PRTG: variants seen among roughly 807,000 people sequenced by gnomAD.
PRTG encodes the protein protogenin.
Under a neutral mutation model 122.5 loss-of-function variants are expected in PRTG, and 67 were observed. The ratio of observed to expected loss-of-function variants is 0.55; its 90% CI spans 0.45 to 0.67. PRTG has a LOEUF of 0.67. Ranked by LOEUF, PRTG falls within the 30% of genes least tolerant of loss-of-function variation. The pLI, the probability that PRTG is intolerant of heterozygous loss-of-function variation, is 0.00. For synonymous variants in PRTG, 554 were observed against 501.1 expected (o/e 1.11, Z -1.41); for missense variants, 1,435 against 1,415.4 (o/e 1.01, Z -0.22).
chr15:55,673,333 A>C, intron 10 of PRTG, 38 bp downstream of exon 10: 1 of 1,452,610 alleles, frequency 6.9e-7, no homozygotes, highest in South Asian at 1.3e-5. Flanking sequence ...TTCAAAAGTA[A>C]AAATACTGTA....
At chr15:55,726,625 G>C (rs1394677695) in intron 2 of PRTG, among the ~76,000 whole-genome samples, 2 of 138,360 alleles carry the variant, frequency 1.4e-5, no homozygotes, top group Non-Finnish European at 3.1e-5. Context: ...GTGTTAACAA[G>C]AGCGAATCTT....
At chr15:55,685,526 T>C (rs1377874462) in intron 2 of PRTG, among the ~76,000 whole-genome samples, 1 of 152,184 alleles carries the variant, frequency 6.6e-6, no homozygotes, top group East Asian at 1.9e-4. Context: ...TAATGCATGG[T>C]ATTACAACAG....
At chr15:55,621,991 A>G (rs1177348267) in intron 18 of PRTG, among the ~76,000 whole-genome samples, 1 of 152,160 alleles carries the variant, frequency 6.6e-6, no homozygotes, top group Non-Finnish European at 1.5e-5. Context: ...GATCAACAAA[A>G]TGACATTAGA....
At chr15:55,710,027 GA>G (rs1432170908) in intron 2 of PRTG, among the ~76,000 whole-genome samples, 2 of 151,088 alleles carry the variant, frequency 1.3e-5, no homozygotes, top group South Asian at 2.1e-4. Context: ...TTTTAAATCT[GA>G]AAAAAAACCC....
intron 2 of PRTG, among the ~76,000 whole-genome samples, chr15:55,716,310 C>T (rs1328608000): frequency 5.9e-5 from 9 of 152,168 alleles, no homozygotes; most frequent in African/African-American, 2.2e-4. Flanking sequence ...ATATCAATCA[C>T]AATAATTTCA....
intron 10 of PRTG, among the ~76,000 whole-genome samples, chr15:55,672,907 A>G (rs1238624379): frequency 2.0e-5 from 3 of 152,142 alleles, no homozygotes; most frequent in Non-Finnish European, 4.4e-5. Context: ...ATACTTTCTA[A>G]TTTTGGCCAC....
At position 55,716,010 on chromosome 15, in the gene PRTG, T is replaced by C. The variant is rs1462219337; in HGVS notation, c.397+24372A>G. On this transcript the variant is annotated intron_variant, in intron 2 of 19. Transcript: ENST00000389286. ...TACAGATACCATCCAAAAACTATCA[T>C]ATAGACACAGTATAGTATTCTCCTT... Among the ~76,000 whole-genome samples, 5 of 152,232 alleles carry C rather than the reference T, an allele frequency of 3.3e-5. 1 individual carries two copies. In the South Asian group the frequency reaches 6.2e-4, roughly 19 times the overall value.
At chr15:55,627,541 C>T (rs530338672) in intron 16 of PRTG, among the ~76,000 whole-genome samples, 397 of 148,392 alleles carry the variant, frequency 2.7e-3, no homozygotes, top group Middle Eastern at 6.9e-3. Context: ...GGGGTTTCAC[C>T]GTGTTAGCCA....
chr15:55,675,393 G>A (rs2059496778), intron 9 of PRTG, 126 bp downstream of exon 9: 11 of 594,338 alleles, frequency 1.9e-5, no homozygotes, highest in Non-Finnish European at 2.7e-5. Flanking sequence ...GATTTTGAAC[G>A]GCAAATTTAA....
At chr15:55,648,755 T>C (rs1039747068) in intron 11 of PRTG, among the ~76,000 whole-genome samples, 6 of 152,196 alleles carry the variant, frequency 3.9e-5, no homozygotes, top group African/African-American at 1.2e-4. Flanking sequence ...AGAAGGGCTA[T>C]CTTGGATAAG....
intron 2 of PRTG, among the ~76,000 whole-genome samples, chr15:55,722,335 A>G (rs1447305001): frequency 1.3e-5 from 2 of 152,160 alleles, no homozygotes; most frequent in Non-Finnish European, 2.9e-5. Context: ...GTCAGGTACT[A>G]TATTTTATTA....
intron 11 of PRTG, among the ~76,000 whole-genome samples, chr15:55,645,934 C>G (rs2059320016): frequency 6.6e-6 from 1 of 152,204 alleles, no homozygotes; most frequent in Admixed American, 6.5e-5. Context: ...AAAGGGAAGA[C>G]AGGGAGAAGT....
intron 11 of PRTG, among the ~76,000 whole-genome samples, chr15:55,658,669 A>T (rs1567086755): frequency 6.6e-6 from 1 of 152,146 alleles, no homozygotes; most frequent in Admixed American, 6.6e-5. Context: ...CTGGTAAAAG[A>T]GTATGCATAT....
At chr15:55,721,544 C>A (rs559821668) in intron 2 of PRTG, among the ~76,000 whole-genome samples, 29 of 152,280 alleles carry the variant, frequency 1.9e-4, no homozygotes, top group Middle Eastern at 3.4e-3. Context: ...TACTACTATG[C>A]TTTCGACTAT....
Position 55,620,270 on chromosome 15 carries a change from G to C in PRTG, c.3199-4C>G, listed in dbSNP as rs752129133. 6.2e-7 allele frequency: 1 copy of C among 1,609,060 alleles called. No individual in the cohort carries two copies. Among genetic ancestry groups the C allele is most frequent in the South Asian group, 1.1e-5 (1 of 90,212 alleles). ...CTGGAGTAAATCTTCTTTGAGGCTA[G>C]GCAAAAAAAGATAAGATGGCAATGA... is the stretch of plus-strand genomic sequence containing the variant. On this transcript the variant is annotated splice_region_variant and splice_polypyrimidine_tract_variant and intron_variant, in intron 19 of 19. Coordinates refer to ENST00000389286, the MANE Select transcript of PRTG (RefSeq NM_173814.6).
intron 2 of PRTG, among the ~76,000 whole-genome samples, chr15:55,737,419 C>T (rs1178425311): frequency 6.6e-6 from 1 of 152,106 alleles, no homozygotes; most frequent in East Asian, 1.9e-4. Flanking sequence ...GCAAAGCCTC[C>T]AGGCCTTTGG....
chr15:55,698,792 A>G (rs1309823267), intron 2 of PRTG, among the ~76,000 whole-genome samples: 2 of 151,994 alleles, frequency 1.3e-5, no homozygotes, highest in African/African-American at 4.8e-5. Context: ...CTGACTCTCA[A>G]ATTAGGGCAG....
At chr15:55,726,329 G>A (rs1391812254) in intron 2 of PRTG, among the ~76,000 whole-genome samples, 2 of 151,876 alleles carry the variant, frequency 1.3e-5, no homozygotes, top group African/African-American at 2.4e-5. Context: ...CATTTGCCTC[G>A]GCCTCCCAAA....
intron 2 of PRTG, among the ~76,000 whole-genome samples, chr15:55,729,789 C>G (rs2031166408): frequency 6.6e-6 from 1 of 152,088 alleles, no homozygotes; most frequent in Non-Finnish European, 1.5e-5. Flanking sequence ...GAGTCTCACT[C>G]CATTGGTGGT....
Sources: allele counts gnomAD v4.1 joint callset (sites outside exome capture counted in the v4.1 genomes callset), GRCh38; gene constraint gnomAD v4.1.1; transcripts MANE v1.5; gene names NCBI Gene and HGNC (gene_info 2026-07-23, HGNC 2026-07-21).